Variants in NXPH1 observed in about 807,000 individuals in gnomAD.
NXPH1 encodes neurexophilin 1.
A neutral mutation model predicts 23.7 loss-of-function variants in NXPH1; 5 were observed. That is an observed-to-expected ratio of 0.21 (90% CI 0.11 to 0.44). NXPH1 has a LOEUF of 0.44. Among genes scored for constraint, NXPH1 ranks in the 20% least tolerant of loss-of-function variants. The pLI, the probability that NXPH1 is intolerant of heterozygous loss-of-function variation, is 0.99. For missense variants in NXPH1, 324 were observed against 321.6 expected, an observed-to-expected ratio of 1.01 and a Z score of -0.06; for synonymous variants, 144 against 122.2, an observed-to-expected ratio of 1.18 and a Z score of -1.18.
intron 2 of NXPH1, among the ~76,000 whole-genome samples, chr7:8,683,638 C>G (rs1468500841): frequency 6.6e-6 from 1 of 152,098 alleles, no homozygotes; most frequent in Non-Finnish European, 1.5e-5. Flanking sequence ...TAAAAATAAC[C>G]TATTTTTTTC....
intron 2 of NXPH1, among the ~76,000 whole-genome samples, chr7:8,500,325 T>C (rs531209177): frequency 6.6e-6 from 1 of 152,084 alleles, no homozygotes; most frequent in Non-Finnish European, 1.5e-5. Context: ...TTTGGTGTTT[T>C]AGGGAATTTC....
Position 8,555,256 on chromosome 7 carries a change from G to GC in NXPH1, c.54+119490dup. Among the ~76,000 whole-genome samples the GC allele has an allele frequency of 4.0e-5, 6 of 151,824 alleles. No individual in the cohort carries two copies. In the South Asian group the frequency reaches 1.2e-3, roughly 31 times the overall value. On this transcript the variant is annotated intron_variant, in intron 2 of 2. Transcript: ENST00000405863. The stretch of plus-strand genomic sequence containing the variant: ...TCTGCTCAGCACTCCATTGGAGGCT[G>GC]CATTTGTGAATCAACTAAGAGCAGC...
intron 2 of NXPH1, among the ~76,000 whole-genome samples, chr7:8,730,841 G>A (rs1041074883): frequency 2.7e-5 from 4 of 150,864 alleles, no homozygotes; most frequent in Non-Finnish European, 5.9e-5. Flanking sequence ...TTCTCGAGGA[G>A]TATCTTTGTG....
chr7:8,567,305 G>A (rs1297172786), intron 2 of NXPH1, among the ~76,000 whole-genome samples: 3 of 151,854 alleles, frequency 2.0e-5, no homozygotes, highest in African/African-American at 4.8e-5. Flanking sequence ...TGAATTATTT[G>A]CCTTTGGTTC....
chr7:8,607,460 T>A (rs959914896), intron 2 of NXPH1, among the ~76,000 whole-genome samples: 2 of 152,200 alleles, frequency 1.3e-5, no homozygotes, highest in Admixed American at 6.5e-5. Flanking sequence ...ACTTCATTAG[T>A]TGATCATGTT....
chr7:8,480,909 A>C (rs1280960701), intron 2 of NXPH1, among the ~76,000 whole-genome samples: 1 of 152,150 alleles, frequency 6.6e-6, no homozygotes, highest in Non-Finnish European at 1.5e-5. Flanking sequence ...GATATTTCTA[A>C]AGGTATTATT....
intron 2 of NXPH1, among the ~76,000 whole-genome samples, chr7:8,568,919 A>G (rs1259424669): frequency 6.6e-6 from 1 of 151,914 alleles, no homozygotes; most frequent in Non-Finnish European, 1.5e-5. Context: ...GGATTTGATC[A>G]TGGATAAGAA....
At chr7:8,465,816 G>T (rs1352157919) in intron 2 of NXPH1, among the ~76,000 whole-genome samples, 1 of 152,206 alleles carries the variant, frequency 6.6e-6, no homozygotes, top group Non-Finnish European at 1.5e-5. Context: ...CTCTCATGGG[G>T]ATTACAGTAG....
intron 2 of NXPH1, among the ~76,000 whole-genome samples, chr7:8,569,281 A>G (rs574589832): frequency 2.6e-4 from 39 of 152,028 alleles, no homozygotes; most frequent in African/African-American, 8.9e-4. Context: ...GGGAGGAGCC[A>G]TTGTACTTTA....
At chr7:8,697,834 C>T (rs189372133) in intron 2 of NXPH1, among the ~76,000 whole-genome samples, 36 of 152,198 alleles carry the variant, frequency 2.4e-4, no homozygotes, top group East Asian at 3.9e-4. Flanking sequence ...ATTTTAGGAC[C>T]GGCAAGAGAG....
rs1816177119 is a variant in NXPH1, at chr7:8,435,520, C to A, written c.-110-84C>A. The A allele has an allele frequency of 3.4e-6, 2 of 579,896 alleles. No individual in the cohort carries two copies. Among genetic ancestry groups the A allele is most frequent in the Admixed American group, 3.0e-5 (1 of 33,470 alleles). 35.9% of individuals were successfully genotyped at this position (579,896 alleles called of 1,614,324 possible). On this transcript the variant is annotated intron_variant, in intron 1 of 2. Transcript: ENST00000405863. This position sits in a 1 kb window ranked among gnomAD's most constrained non-coding sequence, Gnocchi z 5.9. ...CTTTTTTTTTTGGTCCCCCACTCCC[C>A]GCTACGACCCCCTTTCCCCGCTTGA...
chr7:8,664,282 A>T (rs1486817759), intron 2 of NXPH1, among the ~76,000 whole-genome samples: 1 of 152,028 alleles, frequency 6.6e-6, no homozygotes, highest in African/African-American at 2.4e-5. Context: ...TGTGCTTCCT[A>T]GAACATGTGC....
intron 2 of NXPH1, among the ~76,000 whole-genome samples, chr7:8,523,101 G>A (rs757373004): frequency 3.3e-5 from 5 of 152,210 alleles, no homozygotes; most frequent in Non-Finnish European, 7.4e-5. Context: ...AAGATAACAG[G>A]CATGCAAAAT....
intron 2 of NXPH1, among the ~76,000 whole-genome samples, chr7:8,738,512 CACCTGCCAGATACCAGCTGG>C (rs1780301723): frequency 6.6e-6 from 1 of 152,160 alleles, no homozygotes; most frequent in African/African-American, 2.4e-5. Flanking sequence ...CCCAGAGGGA[CACCTGCCAGATACCAGCTGG>C]AGCTCTCCTA....
chr7:8,702,149 C>T (rs1779634551), intron 2 of NXPH1, among the ~76,000 whole-genome samples: 1 of 151,756 alleles, frequency 6.6e-6, no homozygotes, highest in African/African-American at 2.4e-5. Context: ...TTTTCAAATT[C>T]AGCTTTTTCT....
chr7:8,517,232 G>A (rs1008243501), intron 2 of NXPH1, among the ~76,000 whole-genome samples: 2 of 152,102 alleles, frequency 1.3e-5, no homozygotes, highest in African/African-American at 2.4e-5. Flanking sequence ...AGGGTGTTGC[G>A]GGGCCACAGA....
Position 8,457,508 on chromosome 7 carries a change from A to G in NXPH1, c.54+21741A>G, listed in dbSNP as rs932924769. On this transcript the variant is annotated intron_variant, in intron 2 of 2. Transcript: ENST00000405863. ...AGTCACATACACTTCTTTTTTTGCC[A>G]TTGGTAGAATGCTTTTCATTGCCCT... is the stretch of plus-strand genomic sequence containing the variant. 1.5e-4 allele frequency among the ~76,000 whole-genome samples: 23 copies of G among 151,240 alleles called. No individual in the cohort carries two copies. In the South Asian group the frequency reaches 3.8e-3, roughly 25 times the overall value.
At chr7:8,634,299 T>A (rs987136772) in intron 2 of NXPH1, among the ~76,000 whole-genome samples, 2 of 152,174 alleles carry the variant, frequency 1.3e-5, no homozygotes, top group African/African-American at 4.8e-5. Context: ...GCACATGTTC[T>A]CTTGCCTGCA....
At position 8,751,254 on chromosome 7, in the gene NXPH1, C is replaced by T. The variant is rs1274208163; in HGVS notation, c.301C>T (p.Arg101Trp). 10 of 1,613,916 alleles carry T rather than the reference C, an allele frequency of 6.2e-6. No individual in the cohort carries two copies. Among genetic ancestry groups the T allele is most frequent in the East Asian group, 2.2e-5 (1 of 44,882 alleles). The change falls in exon 3 of 3, where the codon CGG becomes TGG. Residue 101 changes from arginine (R) to tryptophan (W), a missense_variant. Transcript: ENST00000405863. This position sits in a 1 kb window ranked among gnomAD's most constrained non-coding sequence, Gnocchi z 4.5. ...GAACTCCACAGACCTTCAAGAGCCT[C>T]GGCCCAGGGCCAAGAGAAGGCCCAT... The part of the protein sequence containing the change: ...LRNSTDLQEP[R>W]PRAKRRPIVK...
Sources: allele counts gnomAD v4.1 joint callset (sites outside exome capture counted in the v4.1 genomes callset), GRCh38; gene constraint gnomAD v4.1.1; non-coding constraint Gnocchi (gnomAD v3.1); transcripts MANE v1.5; gene names NCBI Gene and HGNC (gene_info 2026-07-23, HGNC 2026-07-21).